CLRN1: variants seen among roughly 807,000 people sequenced by gnomAD.
The protein encoded by CLRN1 is clarin 1.
CLRN1 carries 15 observed loss-of-function variants against 18.7 expected under a neutral mutation model. That is an observed-to-expected ratio of 0.80 (90% CI 0.54 to 1.23). The LOEUF (loss-of-function observed/expected upper bound fraction) is 1.23, where lower values mean the gene tolerates loss of function less well. Among genes scored for constraint, CLRN1 ranks in the 50% most tolerant of loss-of-function variants. The pLI, the probability that CLRN1 is intolerant of heterozygous loss-of-function variation, is 0.00. For synonymous variants in CLRN1, 104 were observed against 102.9 expected (o/e 1.01, Z -0.07); for missense variants, 311 against 277.5 (o/e 1.12, Z -0.86).
intron 2 of CLRN1, chr3:150,941,319 C>A: frequency 2.9e-6 from 1 of 344,880 alleles, no homozygotes. Flanking sequence ...CTTTTTGAGA[C>A]AAGCGTTTAT....
Position 150,927,743 on chromosome 3 carries a change from AC to A in CLRN1, c.*192del. The A allele has an allele frequency of 1.2e-6, 1 of 800,196 alleles. No homozygotes were observed. The highest frequency in any genetic ancestry group is 2.7e-5 in the East Asian group (1 of 36,868). 49.6% of individuals were successfully genotyped at this position (800,196 alleles called of 1,614,324 possible). A position where few individuals can be genotyped will look rare whatever the true frequency, so the allele number is the denominator to read the frequency against. ...GTCAAGCAATTTCCCACCAGATAAA[AC>A]AACTTTTCAAAGCCTTCCTTCTGCT... On this transcript the variant is annotated 3_prime_UTR_variant, in exon 3 of 3. Coordinates refer to ENST00000327047, the MANE Select transcript of CLRN1 (RefSeq NM_174878.3).
intron 1 of CLRN1, chr3:150,945,546 C>A: frequency 7.8e-7 from 1 of 1,287,018 alleles, no homozygotes; most frequent in South Asian, 1.2e-5. Context: ...AAGCTTAGTG[C>A]TATCCAATAG....
chr3:150,960,039 G>A (rs993276930), intron 1 of CLRN1, among the ~76,000 whole-genome samples: 3 of 152,150 alleles, frequency 2.0e-5, no homozygotes, highest in East Asian at 1.9e-4. Context: ...TTAACTGAGC[G>A]GCAGCATGGC....
chr3:150,948,560 A>G (rs1044229098), intron 1 of CLRN1, among the ~76,000 whole-genome samples: 1 of 151,500 alleles, frequency 6.6e-6, no homozygotes, highest in East Asian at 1.9e-4. Context: ...AAAAACAACC[A>G]TCAGAAACTA....
chr3:150,954,558 G>C (rs1714646422), intron 1 of CLRN1, among the ~76,000 whole-genome samples: 1 of 152,178 alleles, frequency 6.6e-6, no homozygotes, highest in Non-Finnish European at 1.5e-5. Flanking sequence ...TTCTCTGTCT[G>C]TGGCTTGTAT....
At chr3:150,950,825 A>G (rs1464631201) in intron 1 of CLRN1, among the ~76,000 whole-genome samples, 1 of 152,212 alleles carries the variant, frequency 6.6e-6, no homozygotes, top group African/African-American at 2.4e-5. Context: ...TCATTCTACT[A>G]TAAAGACACA....
At chr3:150,942,979 C>A (rs968418252) in intron 1 of CLRN1, among the ~76,000 whole-genome samples, 5 of 152,114 alleles carry the variant, frequency 3.3e-5, no homozygotes, top group African/African-American at 4.8e-5. Context: ...CACTGAGGCA[C>A]CAGACACACA....
chr3:150,944,819 G>A (rs1714081330), intron 1 of CLRN1, among the ~76,000 whole-genome samples: 1 of 152,136 alleles, frequency 6.6e-6, no homozygotes, highest in South Asian at 2.1e-4. Context: ...TGAATAAATG[G>A]TGATGCTGTT....
chr3:150,938,044 G>A (rs1429149165), intron 2 of CLRN1, among the ~76,000 whole-genome samples: 1 of 152,142 alleles, frequency 6.6e-6, no homozygotes, highest in African/African-American at 2.4e-5. Context: ...CAGCAGGGAA[G>A]TAGACAGTTG....
Position 150,927,890 on chromosome 3 carries a change from C to T in CLRN1, c.*46G>A, listed in dbSNP as rs377759960. The T allele has an allele frequency of 6.2e-7, 1 of 1,611,390 alleles. No homozygotes were observed. The highest frequency in any genetic ancestry group is 1.3e-5 in the African/African-American group (1 of 74,822). On this transcript the variant is annotated 3_prime_UTR_variant, in exon 3 of 3. Transcript: ENST00000327047. ...CAAAATTAACCACATCTAAAAGTGACCAAAGCAAGTCTACTCCCTTGTAAA... is the reference window on the plus strand; with the variant it reads ...CAAAATTAACCACATCTAAAAGTGATCAAAGCAAGTCTACTCCCTTGTAAA...
At chr3:150,945,449 C>A in intron 1 of CLRN1, 1 of 1,205,810 alleles carries the variant, frequency 8.3e-7, no homozygotes, top group African/African-American at 1.6e-5. Context: ...TGGAAGGGGG[C>A]CAGGAGAGAA....
intron 1 of CLRN1, among the ~76,000 whole-genome samples, chr3:150,950,960 C>A (rs1380112562): frequency 6.6e-6 from 1 of 152,164 alleles, no homozygotes; most frequent in African/African-American, 2.4e-5. Flanking sequence ...TACTATGCAG[C>A]AATAAAAATG....
At chr3:150,950,104 G>A (rs1230921973) in intron 1 of CLRN1, among the ~76,000 whole-genome samples, 2 of 152,148 alleles carry the variant, frequency 1.3e-5, no homozygotes, top group African/African-American at 4.8e-5. Context: ...TAACTGGCTA[G>A]CCATATGCAG....
chr3:150,961,149 A>G (rs1715008161), intron 1 of CLRN1, among the ~76,000 whole-genome samples: 1 of 152,218 alleles, frequency 6.6e-6, no homozygotes, highest in African/African-American at 2.4e-5. Context: ...ACTGTGTGGA[A>G]GAAATGCTAA....
chr3:150,934,609 G>T (rs781041183), intron 2 of CLRN1, among the ~76,000 whole-genome samples: 15 of 152,102 alleles, frequency 9.9e-5, no homozygotes, highest in Admixed American at 2.6e-4. Context: ...TCCATGTCAA[G>T]TCTGCCAGCT....
chr3:150,956,694 G>A (rs914880948), intron 1 of CLRN1, among the ~76,000 whole-genome samples: 1 of 152,102 alleles, frequency 6.6e-6, no homozygotes, highest in African/African-American at 2.4e-5. Context: ...TTGGTGAGGG[G>A]CTCTATATTT....
intron 2 of CLRN1, among the ~76,000 whole-genome samples, chr3:150,930,752 T>C (rs952374921): frequency 1.3e-5 from 2 of 152,212 alleles, no homozygotes; most frequent in Non-Finnish European, 2.9e-5. Context: ...GAAACATTAT[T>C]TCCTGAGCAC....
intron 1 of CLRN1, among the ~76,000 whole-genome samples, chr3:150,947,547 A>G (rs1258822822): frequency 6.6e-6 from 1 of 152,212 alleles, no homozygotes; most frequent in East Asian, 1.9e-4. Flanking sequence ...CATTGGACCA[A>G]ATGGATCTAA....
intron 1 of CLRN1, among the ~76,000 whole-genome samples, chr3:150,961,407 T>C (rs1715029060): frequency 2.6e-5 from 4 of 152,202 alleles, no homozygotes; most frequent in Admixed American, 1.3e-4. Flanking sequence ...CCCCAGATGA[T>C]TCTAAAGTGC....
Sources: allele counts gnomAD v4.1 joint callset (sites outside exome capture counted in the v4.1 genomes callset), GRCh38; gene constraint gnomAD v4.1.1; transcripts MANE v1.5; gene names NCBI Gene and HGNC (gene_info 2026-07-23, HGNC 2026-07-21).